GRID2: variants seen among roughly 807,000 people sequenced by gnomAD.
The protein encoded by GRID2 is glutamate receptor ionotropic, delta-2.
Under a neutral mutation model 114.8 loss-of-function variants are expected in GRID2, and 33 were observed. The ratio of observed to expected loss-of-function variants is 0.29; its 90% CI spans 0.22 to 0.38. The LOEUF (loss-of-function observed/expected upper bound fraction) is 0.38. Among genes scored for constraint, GRID2 ranks in the 10% least tolerant of loss-of-function variants. The probability of loss-of-function intolerance (pLI) is 1.00; values close to 1 mark genes in which losing one functional copy is unlikely to be tolerated. For missense variants in GRID2, 1,184 were observed against 1,257.7 expected, an observed-to-expected ratio of 0.94 and a Z score of 0.89; for synonymous variants, 505 against 449.9, an observed-to-expected ratio of 1.12 and a Z score of -1.55.
chr4:92,607,701 A>G (rs572599095), intron 2 of GRID2, among the ~76,000 whole-genome samples: 11 of 151,990 alleles, frequency 7.2e-5, no homozygotes, highest in Non-Finnish European at 1.2e-4. Context: ...AAGAGTAGGA[A>G]AGGTCTTACA....
At chr4:92,411,629 G>C (rs1411806736) in intron 1 of GRID2, among the ~76,000 whole-genome samples, 2 of 83,282 alleles carry the variant, frequency 2.4e-5, no homozygotes, top group Admixed American at 1.1e-4. Flanking sequence ...ATATGCATGT[G>C]TGTGTGTGTG....
chr4:93,115,892 G>A (rs1733199235), intron 4 of GRID2, among the ~76,000 whole-genome samples: 1 of 152,112 alleles, frequency 6.6e-6, no homozygotes, highest in Admixed American at 6.6e-5. Context: ...AGGAGCTACA[G>A]TTTAAGATGA....
At chr4:92,974,127 C>G (rs556860704) in intron 2 of GRID2, among the ~76,000 whole-genome samples, 3 of 152,246 alleles carry the variant, frequency 2.0e-5, no homozygotes, top group South Asian at 2.1e-4. Context: ...CAAATCAAAA[C>G]CACAATAAGA....
At chr4:92,716,184 G>A (rs771148939) in intron 2 of GRID2, among the ~76,000 whole-genome samples, 4 of 152,060 alleles carry the variant, frequency 2.6e-5, no homozygotes, top group African/African-American at 9.7e-5. Flanking sequence ...TTTCTTTCAC[G>A]AGTCAAAATT....
intron 13 of GRID2, among the ~76,000 whole-genome samples, chr4:93,616,888 G>A (rs1219068463): frequency 2.9e-5 from 3 of 102,276 alleles, no homozygotes; most frequent in African/African-American, 6.1e-5. Flanking sequence ...CCAGCTACTC[G>A]GGAGGCTGAG....
At chr4:93,510,838 G>C (rs1018654424) in intron 12 of GRID2, among the ~76,000 whole-genome samples, 3 of 152,122 alleles carry the variant, frequency 2.0e-5, no homozygotes, top group African/African-American at 7.2e-5. Context: ...TGACAGATAT[G>C]CTTGACTTTA....
At position 93,051,039 on chromosome 4, in the gene GRID2, T is replaced by C. The variant is rs149961605; in HGVS notation, c.245-33956T>C. Among the ~76,000 whole-genome samples, 72 of 152,106 alleles carry C rather than the reference T, an allele frequency of 4.7e-4. 1 individual carries two copies. In the East Asian group the frequency reaches 8.9e-3, roughly 19 times the overall value. ...TGTGAGTAAACAAATTCAGAGGAAA[T>C]AGTGCTCCACATCACTCTTATTCAA... On this transcript the variant is annotated intron_variant, in intron 2 of 15. Transcript: ENST00000282020.
chr4:92,588,641 T>G (rs1410461390), intron 1 of GRID2, among the ~76,000 whole-genome samples: 4 of 126,444 alleles, frequency 3.2e-5, no homozygotes, highest in African/African-American at 1.3e-4. Flanking sequence ...ATGGCGCCAC[T>G]GCACTCCAGC....
At chr4:92,349,243 G>T (rs887913203) in intron 1 of GRID2, among the ~76,000 whole-genome samples, 4 of 151,930 alleles carry the variant, frequency 2.6e-5, no homozygotes, top group African/African-American at 9.7e-5. Context: ...AAGAGATAGG[G>T]TAGTTTTAAT....
At chr4:93,022,679 T>C (rs1369612272) in intron 2 of GRID2, among the ~76,000 whole-genome samples, 1 of 151,998 alleles carries the variant, frequency 6.6e-6, no homozygotes, top group African/African-American at 2.4e-5. Flanking sequence ...GATTTTAAAA[T>C]TTTAATTTGT....
chr4:93,351,236 C>T (rs1345944442), intron 8 of GRID2, among the ~76,000 whole-genome samples: 2 of 152,046 alleles, frequency 1.3e-5, no homozygotes, highest in African/African-American at 4.8e-5. Context: ...GTACTTCAAA[C>T]CTTCTTTTCA....
chr4:93,613,747 G>A (rs1325784456), intron 13 of GRID2, among the ~76,000 whole-genome samples: 1 of 150,188 alleles, frequency 6.7e-6, no homozygotes, highest in African/African-American at 2.4e-5. Flanking sequence ...AGTCTGCAGA[G>A]GTTACTGCTG....
intron 2 of GRID2, among the ~76,000 whole-genome samples, chr4:92,940,658 G>A (rs1213240602): frequency 2.0e-5 from 3 of 152,072 alleles, no homozygotes; most frequent in Non-Finnish European, 4.4e-5. Flanking sequence ...TTTTCAAAGG[G>A]AATGCTTCCA....
chr4:93,557,514 G>A (rs1442898436), intron 13 of GRID2, among the ~76,000 whole-genome samples: 1 of 152,092 alleles, frequency 6.6e-6, no homozygotes, highest in African/African-American at 2.4e-5. Flanking sequence ...AATGGTAAAG[G>A]AATCAATGCA....
At chr4:92,654,099 G>C (rs1163865143) in intron 2 of GRID2, among the ~76,000 whole-genome samples, 1 of 151,860 alleles carries the variant, frequency 6.6e-6, no homozygotes, top group East Asian at 1.9e-4. Flanking sequence ...AGTGATCTTG[G>C]GTGGCTATAA....
chr4:92,487,850 T>C (rs974639631), intron 1 of GRID2, among the ~76,000 whole-genome samples: 1 of 152,198 alleles, frequency 6.6e-6, no homozygotes, highest in African/African-American at 2.4e-5. Flanking sequence ...TTGGCTTTCA[T>C]TGATTTTATG....
At chr4:92,325,056 T>C (rs1726524005) in intron 1 of GRID2, among the ~76,000 whole-genome samples, 1 of 151,906 alleles carries the variant, frequency 6.6e-6, no homozygotes, top group African/African-American at 2.4e-5. Flanking sequence ...GTAATATATA[T>C]ACAGTATATG....
intron 13 of GRID2, among the ~76,000 whole-genome samples, chr4:93,555,573 G>C (rs1490604244): frequency 6.6e-6 from 1 of 152,178 alleles, no homozygotes; most frequent in Non-Finnish European, 1.5e-5. Flanking sequence ...CTCCTCTTGG[G>C]CAGGGCATCT....
intron 2 of GRID2, among the ~76,000 whole-genome samples, chr4:93,017,678 C>T (rs922969535): frequency 6.6e-6 from 1 of 151,568 alleles, no homozygotes; most frequent in South Asian, 2.1e-4. Context: ...TGGTGTTAGG[C>T]GCTTGTGATC....
Sources: gnomAD v4.1 joint callset for allele counts (sites outside exome capture counted in the v4.1 genomes callset) on GRCh38, gnomAD v4.1.1 for gene constraint, MANE v1.5 for transcripts, NCBI Gene and HGNC (gene_info 2026-07-23, HGNC 2026-07-21) for gene names.